ABCA8: variants seen among roughly 807,000 people sequenced by gnomAD.
ABCA8 encodes the protein ATP binding cassette subfamily A member 8, also known as ABC-type organic anion transporter ABCA8.
In ABCA8, 177 loss-of-function variants were observed where a neutral mutation model predicts 192.3. The observed-to-expected ratio is 0.92, with a 90% CI of 0.81 to 1.04. The LOEUF (loss-of-function observed/expected upper bound fraction) is 1.04, where lower values mean the gene tolerates loss of function less well. Among genes scored for constraint, ABCA8 ranks in the 50% least tolerant of loss-of-function variants. ABCA8 has a pLI of 0.00. For synonymous variants in ABCA8, 642 were observed against 690.2 expected (o/e 0.93, Z 1.09); for missense variants, 1,915 against 1,904.8 (o/e 1.01, Z -0.10).
At chr17:68,922,144 T>A (rs1247769275) in intron 12 of ABCA8, 98 bp downstream of exon 12, 1 of 835,138 alleles carries the variant, frequency 1.2e-6, no homozygotes, top group Non-Finnish European at 1.6e-6. Context: ...AAAACTGAAT[T>A]AAAATCAGGA....
chr17:68,897,542 G>T (rs2066797857), intron 21 of ABCA8, among the ~76,000 whole-genome samples: 2 of 152,128 alleles, frequency 1.3e-5, no homozygotes, highest in South Asian at 4.1e-4. Context: ...AAAAAACAAA[G>T]ACTTCAAGGC....
chr17:68,887,873 C>A (rs2066505086), intron 24 of ABCA8, among the ~76,000 whole-genome samples: 1 of 94,342 alleles, frequency 1.1e-5, no homozygotes, highest in Admixed American at 1.2e-4. Flanking sequence ...TCTCTCTTTT[C>A]TCTCCTCCAT....
rs2066479890 is a variant in ABCA8, at chr17:68,887,049, T to G, written c.3397A>C (p.Asn1133His). The G allele has an allele frequency of 6.2e-7, 1 of 1,612,260 alleles. No homozygotes were observed. The highest frequency in any genetic ancestry group is 1.3e-5 in the African/African-American group (1 of 74,852). The change falls in exon 26 of 40, where the codon AAT becomes CAT. Residue 1133 changes from asparagine (N) to histidine (H), a missense_variant. Asn to His is a moderately conservative substitution (Grantham distance 68, BLOSUM62 1). Transcript: ENST00000586539. ...AAACAAAATGACCAAATGCCACTAT[T>G]TTTTCTCCCCTTGCGAAAGATGAAG... ...ISFIFRKGRK[N>H]SGIWSFCFYV...
At chr17:68,922,423 C>A in intron 11 of ABCA8, 123 bp from the exon 12 acceptor site, 1 of 673,318 alleles carries the variant, frequency 1.5e-6, no homozygotes, top group Non-Finnish European at 2.4e-6. Context: ...TTCACTCTCA[C>A]ACAGTCATAG....
intron 33 of ABCA8, 32 bp from the exon 34 acceptor site, chr17:68,876,735 T>C (rs2066217697): frequency 6.2e-7 from 1 of 1,613,548 alleles, no homozygotes; most frequent in South Asian, 1.1e-5. Context: ...TACAGTCTTC[T>C]TGACAAGAGG....
intron 26 of ABCA8, 125 bp from the exon 27 acceptor site, chr17:68,885,440 T>A: frequency 6.6e-6 from 6 of 905,230 alleles, no homozygotes. Context: ...GAAATCAGTA[T>A]ATCTCCATTA....
intron 10 of ABCA8, among the ~76,000 whole-genome samples, chr17:68,927,650 TA>T (rs4148018): frequency 4.6e-4 from 67 of 145,524 alleles, no homozygotes; most frequent in South Asian, 8.7e-4. Context: ...CTAAGAGGTC[TA>T]AAAAAAAAAA....
chr17:68,877,454 G>A, intron 33 of ABCA8, 65 bp downstream of exon 33: 1 of 1,423,122 alleles, frequency 7.0e-7, no homozygotes, highest in Non-Finnish European at 9.4e-7. Flanking sequence ...TCCTGTGAGG[G>A]TCATCACTCT....
intron 7 of ABCA8, 64 bp from the exon 8 acceptor site, chr17:68,929,766 G>T: frequency 7.7e-6 from 11 of 1,421,664 alleles, no homozygotes; most frequent in Non-Finnish European, 2.8e-6. Flanking sequence ...GACCTGAAAT[G>T]GATTCTAAGA....
At position 68,902,777 on chromosome 17, in the gene ABCA8, A is replaced by G; in HGVS notation, c.2700T>C (p.Tyr900=). 6.2e-7 allele frequency: 1 copy of G among 1,613,942 alleles called. No homozygotes were observed. ...GTGGTTGTTGTCCAGGAGCAAGGAA[A>G]TACAAATGAGGAGAAAGTTCCCAGG... The part of the protein sequence containing the change: ...SYTWELSPHL[Y]FLAPGQQPHD... Residue 900 remains tyrosine (Y), a synonymous_variant, in exon 21 of 40, where the codon TAT becomes TAC. Transcript: ENST00000586539.
At chr17:68,884,482 C>A in intron 27 of ABCA8, 86 bp from the exon 28 acceptor site, 1 of 1,431,390 alleles carries the variant, frequency 7.0e-7, no homozygotes. Context: ...CCTAAACAGC[C>A]CTGCTAACAT....
intron 1 of ABCA8, among the ~76,000 whole-genome samples, chr17:68,952,063 T>A (rs780338694): frequency 2.0e-5 from 3 of 152,198 alleles, no homozygotes; most frequent in Non-Finnish European, 4.4e-5. Flanking sequence ...TGGTTATATG[T>A]CTTTTATGGT....
chr17:68,886,518 G>A (rs1411358696), intron 26 of ABCA8, among the ~76,000 whole-genome samples: 1 of 152,020 alleles, frequency 6.6e-6, no homozygotes, highest in Non-Finnish European at 1.5e-5. Context: ...TCCCTTATCT[G>A]TTTTTCATGG....
chr17:68,909,062 G>A (rs532076630), intron 17 of ABCA8, among the ~76,000 whole-genome samples: 15 of 152,270 alleles, frequency 9.9e-5, no homozygotes, highest in Middle Eastern at 3.4e-3. Context: ...AGCAAAAAAT[G>A]TCGTAGCTGT....
intron 4 of ABCA8, among the ~76,000 whole-genome samples, chr17:68,940,116 T>G (rs779456976): frequency 6.6e-6 from 1 of 152,122 alleles, no homozygotes; most frequent in Non-Finnish European, 1.5e-5. Context: ...TAAAAATGAT[T>G]GTTATAAAAA....
At chr17:68,940,660 A>T in intron 4 of ABCA8, 98 bp downstream of exon 4, 1 of 1,146,274 alleles carries the variant, frequency 8.7e-7, no homozygotes, top group Non-Finnish European at 1.3e-6. Context: ...CAGAAAGTTT[A>T]ATTATCAAAC....
chr17:68,881,810 A>C (rs2066341960), intron 31 of ABCA8, 53 bp downstream of exon 31: 1 of 1,321,376 alleles, frequency 7.6e-7, no homozygotes, highest in Admixed American at 1.7e-5. Context: ...ATTAGGAACC[A>C]GGAACCTCTG....
intron 33 of ABCA8, 96 bp from the exon 34 acceptor site, chr17:68,876,799 C>T (rs536937292): frequency 1.4e-6 from 2 of 1,465,400 alleles, no homozygotes; most frequent in African/African-American, 1.4e-5. Flanking sequence ...CTCAAAAATG[C>T]AGTTCTGGAA....
In ABCA8 at chr17:68,883,983, G is replaced by T. The variant is rs1281292307; in HGVS notation, c.3616-101C>A. ...CCGAACTTCTAAAAAAATACATTCA[G>T]TGAAATAATTACAAACTCCTAATAA... On this transcript the variant is annotated intron_variant, in intron 28 of 39. Transcript: ENST00000586539. 7 of 768,318 alleles carry T rather than the reference G, an allele frequency of 9.1e-6. No individual in the cohort carries two copies. The Admixed American group carries it at 2.3e-4, about 25-fold the overall frequency. The allele number at this position is 768,318 out of a possible 1,614,324, so 47.6% of individuals were successfully genotyped here.
Sources: allele counts gnomAD v4.1 joint callset (sites outside exome capture counted in the v4.1 genomes callset), GRCh38; gene constraint gnomAD v4.1.1; transcripts MANE v1.5; gene names NCBI Gene and HGNC (gene_info 2026-07-23, HGNC 2026-07-21).